ARHGAP15: variants seen among roughly 807,000 people sequenced by gnomAD.
The protein encoded by ARHGAP15 is Rho GTPase activating protein 15.
A neutral mutation model predicts 63.7 loss-of-function variants in ARHGAP15; 51 were observed. That is an observed-to-expected ratio of 0.80 (90% CI 0.64 to 1.01). ARHGAP15 has a LOEUF of 1.01. Among genes scored for constraint, ARHGAP15 ranks in the 50% least tolerant of loss-of-function variants. The pLI is 0.00. For missense variants in ARHGAP15, 560 were observed against 564.6 expected (o/e 0.99, Z 0.08); for synonymous variants, 191 against 193.8 (o/e 0.99, Z 0.12).
chr2:143,560,904 G>A (rs1004811712), intron 11 of ARHGAP15, among the ~76,000 whole-genome samples: 3 of 152,176 alleles, frequency 2.0e-5, no homozygotes, highest in African/African-American at 7.2e-5. Flanking sequence ...TGTTGAATTT[G>A]GTGACAGCTT....
At chr2:143,262,969 A>T (rs1680803985) in intron 6 of ARHGAP15, among the ~76,000 whole-genome samples, 1 of 152,106 alleles carries the variant, frequency 6.6e-6, no homozygotes, top group Non-Finnish European at 1.5e-5. Context: ...TGGTCCTTAG[A>T]CCCACATATT....
At chr2:143,190,452 G>A (rs890692478) in intron 2 of ARHGAP15, among the ~76,000 whole-genome samples, 3 of 152,168 alleles carry the variant, frequency 2.0e-5, no homozygotes, top group Non-Finnish European at 4.4e-5. Context: ...TGACATATCT[G>A]GGAGGTTGAC....
intron 13 of ARHGAP15, among the ~76,000 whole-genome samples, chr2:143,722,544 T>C (rs1559144883): frequency 2.6e-5 from 4 of 152,138 alleles, no homozygotes; most frequent in Non-Finnish European, 2.9e-5. Flanking sequence ...AAGATAAAAG[T>C]GTGCAATCGG....
intron 2 of ARHGAP15, among the ~76,000 whole-genome samples, chr2:143,164,494 A>G (rs1690423695): frequency 6.6e-6 from 1 of 151,972 alleles, no homozygotes; most frequent in South Asian, 2.1e-4. Context: ...TGCACTGACA[A>G]TAGGTTTATT....
chr2:143,624,290 C>A (rs1237724168), intron 12 of ARHGAP15, 23 bp downstream of exon 12: 4 of 1,594,404 alleles, frequency 2.5e-6, no homozygotes, highest in Non-Finnish European at 3.4e-6. Context: ...CAGAAAAGGG[C>A]AGGTGGTAGA....
At chr2:143,180,832 C>T (rs1036160754) in intron 2 of ARHGAP15, among the ~76,000 whole-genome samples, 3 of 152,064 alleles carry the variant, frequency 2.0e-5, no homozygotes, top group Non-Finnish European at 4.4e-5. Flanking sequence ...CACCAACACG[C>T]CAGGCTAATT....
chr2:143,256,380 C>A (rs576495100), intron 6 of ARHGAP15, among the ~76,000 whole-genome samples: 2 of 152,172 alleles, frequency 1.3e-5, no homozygotes, highest in Middle Eastern at 3.4e-3. Flanking sequence ...ATATTTAATA[C>A]ACAACATGAA....
At chr2:143,287,197 AATAAC>A (rs1682147907) in intron 6 of ARHGAP15, among the ~76,000 whole-genome samples, 1 of 152,184 alleles carries the variant, frequency 6.6e-6, no homozygotes, top group African/African-American at 2.4e-5. Flanking sequence ...AAATTTGACT[AATAAC>A]AAAATAAATT....
intron 6 of ARHGAP15, among the ~76,000 whole-genome samples, chr2:143,378,558 T>C (rs1686914908): frequency 6.6e-6 from 1 of 152,058 alleles, no homozygotes; most frequent in Non-Finnish European, 1.5e-5. Context: ...AGAAAGAATA[T>C]ACTTCCAAAA....
chr2:143,620,138 T>C (rs747388431), intron 11 of ARHGAP15, among the ~76,000 whole-genome samples: 8 of 152,202 alleles, frequency 5.3e-5, no homozygotes, highest in Admixed American at 1.3e-4. Flanking sequence ...TGATTCCTTA[T>C]GCTTTAAAAT....
intron 12 of ARHGAP15, among the ~76,000 whole-genome samples, chr2:143,630,480 T>C (rs1348952545): frequency 1.3e-5 from 2 of 152,040 alleles, no homozygotes; most frequent in Non-Finnish European, 2.9e-5. Context: ...TCATATCCCC[T>C]GACCTACTCG....
chr2:143,131,961 T>C (rs1430845265), intron 1 of ARHGAP15, among the ~76,000 whole-genome samples: 1 of 151,908 alleles, frequency 6.6e-6, no homozygotes, highest in Non-Finnish European at 1.5e-5. Context: ...TTCTTTAAGA[T>C]AGTCCTGAAG....
At chr2:143,650,049 T>A (rs1440911054) in intron 12 of ARHGAP15, among the ~76,000 whole-genome samples, 2 of 151,910 alleles carry the variant, frequency 1.3e-5, no homozygotes, top group African/African-American at 4.8e-5. Flanking sequence ...GTTGGAGGTT[T>A]TTTTTCTTCT....
At chr2:143,519,186 A>G (rs1326150471) in intron 9 of ARHGAP15, 80 bp from the exon 10 acceptor site, 11 of 1,065,264 alleles carry the variant, frequency 1.0e-5, no homozygotes, top group Non-Finnish European at 1.4e-5. Context: ...TTCAGCATGC[A>G]ATGGATATGG....
intron 6 of ARHGAP15, among the ~76,000 whole-genome samples, chr2:143,352,248 T>C (rs572463060): frequency 2.6e-5 from 4 of 152,342 alleles, no homozygotes; most frequent in Non-Finnish European, 5.9e-5. Context: ...AACATTTGTT[T>C]AAAGAGCTTT....
chr2:143,153,112 A>G (rs1689895719), intron 1 of ARHGAP15, among the ~76,000 whole-genome samples: 1 of 151,922 alleles, frequency 6.6e-6, no homozygotes, highest in Non-Finnish European at 1.5e-5. Flanking sequence ...TTGATTTGAC[A>G]CTGAAATTTG....
chr2:143,213,461 C>T (rs975589780), intron 3 of ARHGAP15, among the ~76,000 whole-genome samples: 2 of 152,130 alleles, frequency 1.3e-5, no homozygotes, highest in South Asian at 2.1e-4. Context: ...TGCGGTGAGC[C>T]GAGATTGCGC....
chr2:143,700,859 A>T (rs1275345531), intron 12 of ARHGAP15, among the ~76,000 whole-genome samples: 1 of 152,074 alleles, frequency 6.6e-6, no homozygotes, highest in Non-Finnish European at 1.5e-5. Context: ...TTTCTGGTTT[A>T]TGATATTTCA....
At chr2:143,664,681 A>G (rs1682053802) in intron 12 of ARHGAP15, among the ~76,000 whole-genome samples, 1 of 152,158 alleles carries the variant, frequency 6.6e-6, no homozygotes, top group African/African-American at 2.4e-5. Context: ...CAAGACTAAT[A>G]AAGAAAAAAA....
Sources: gnomAD v4.1 joint callset for allele counts (sites outside exome capture counted in the v4.1 genomes callset) on GRCh38, gnomAD v4.1.1 for gene constraint, MANE v1.5 for transcripts, NCBI Gene and HGNC (gene_info 2026-07-23, HGNC 2026-07-21) for gene names.